The following EIF3F variants were observed in gnomAD, a reference collection of about 807,000 sequenced individuals.
EIF3F encodes eukaryotic translation initiation factor 3 subunit F.
In EIF3F, 8 loss-of-function variants were observed where a neutral mutation model predicts 36.0. The ratio of observed to expected loss-of-function variants is 0.22; its 90% confidence interval spans 0.13 to 0.40. The LOEUF is 0.40. Ranked by LOEUF, EIF3F falls within the 10% of genes least tolerant of loss-of-function variation. The probability of loss-of-function intolerance (pLI) is 1.00; values close to 1 mark genes in which losing one functional copy is unlikely to be tolerated. For missense variants in EIF3F, 430 were observed against 467.6 expected (o/e 0.92, Z 0.74); for synonymous variants, 184 against 188.5 (o/e 0.98, Z 0.19).
intron 2 of EIF3F, 50 bp downstream of exon 2, chr11:7,991,901 C>T (rs757165270): frequency 1.9e-6 from 3 of 1,601,600 alleles, no homozygotes; most frequent in Non-Finnish European, 2.6e-6. Context: ...TGTTCATTTG[C>T]TCGGCTCCCC....
chr11:7,994,337 A>C (rs1273838427), intron 4 of EIF3F, 89 bp from the exon 5 acceptor site: 1 of 1,135,802 alleles, frequency 8.8e-7, no homozygotes, highest in Non-Finnish European at 1.3e-6. Context: ...TGAGAGCCAT[A>C]TTCCTGCTGT....
intron 1 of EIF3F, among the ~76,000 whole-genome samples, chr11:7,991,534 G>C (rs1942095673): frequency 6.6e-6 from 1 of 152,190 alleles, no homozygotes; most frequent in African/African-American, 2.4e-5. Context: ...CAGGCAAAAG[G>C]AGACCTTGTA....
In EIF3F at chr11:7,996,807, G is replaced by A. The variant is rs1323427188; in HGVS notation, c.*785G>A. ...CAAGAACTCAGGAAATTATACGTTG[G>A]AGTGAAAAGGTGAGTGAAGGCAATG... On this transcript the variant is annotated 3_prime_UTR_variant, in exon 8 of 8. Transcript: ENST00000651655. The A allele has an allele frequency of 6.6e-6, 1 of 152,206 alleles. No homozygotes were observed. The highest frequency in any genetic ancestry group is 1.5e-5 in the Non-Finnish European group (1 of 68,046). 9.4% of individuals were successfully genotyped at this position (152,206 alleles called of 1,614,324 possible). A position where few individuals can be genotyped will look rare whatever the true frequency, so the allele number is the denominator to read the frequency against.
At chr11:7,993,768 A>G (rs1006874484) in intron 4 of EIF3F, among the ~76,000 whole-genome samples, 1 of 152,188 alleles carries the variant, frequency 6.6e-6, no homozygotes, top group Non-Finnish European at 1.5e-5. Context: ...TTGGCATACC[A>G]CTAAGCACTA....
Position 7,994,428 on chromosome 11 carries a change from C to T in EIF3F, c.656C>T (p.Thr219Ile), listed in dbSNP as rs1589906517. Residue 219 changes from threonine (T) to isoleucine (I), a missense_variant and splice_region_variant, in exon 5 of 8, where the codon ACT becomes ATT. Thr to Ile is a moderately conservative substitution (Grantham distance 89, BLOSUM62 -1). Around this residue, in one of 2 missense-constraint regions of EIF3F, gnomAD observed 262 missense variants for 347.4 expected, o/e 0.75. Coordinates refer to ENST00000651655, the MANE Select transcript of EIF3F (RefSeq NM_003754.3). Reference protein sequence around the residue: ...GRMSIKAYVSTLMGVPGRTMG... With the variant: ...GRMSIKAYVSILMGVPGRTMG... The stretch of plus-strand genomic sequence containing the variant: ...TACTTTGGCTTCTCCTTCCGCAGCA[C>T]TTTAATGGGAGTCCCTGGGAGGACC... 6.2e-7 allele frequency: 1 copy of T among 1,613,896 alleles called. No homozygotes were observed. Among genetic ancestry groups the T allele is most frequent in the Non-Finnish European group, 8.5e-7 (1 of 1,179,934 alleles).
rs1044385902 is a variant in EIF3F at position 7,998,916 on chromosome 11, T to C, written c.*2894T>C. ...CATAGTGTGGTGTTATTACTTAGCGTTATTCTAGACTTATTAGCCATTGTA... is the reference window on the plus strand; with the variant it reads ...CATAGTGTGGTGTTATTACTTAGCGCTATTCTAGACTTATTAGCCATTGTA... On this transcript the variant is annotated 3_prime_UTR_variant, in exon 8 of 8. Transcript: ENST00000651655. 6.6e-6 allele frequency: 1 copy of C among 152,122 alleles called. No homozygotes were observed. The highest frequency in any genetic ancestry group is 2.4e-5 in the African/African-American group (1 of 41,408). 9.4% of individuals were successfully genotyped at this position (152,122 alleles called of 1,614,324 possible).
In EIF3F at chr11:7,995,461, G is replaced by C. The variant is rs547340999; in HGVS notation, c.996+94G>C. On this transcript the variant is annotated intron_variant, in intron 7 of 7. Coordinates refer to ENST00000651655, the MANE Select transcript of EIF3F (RefSeq NM_003754.3). ...GAAAAGAGTTGGGTGAGGTGACCTGGAGTAGGATAGAGACAGGGCTTCACC... is the reference window on the plus strand; with the variant it reads ...GAAAAGAGTTGGGTGAGGTGACCTGCAGTAGGATAGAGACAGGGCTTCACC... The C allele has an allele frequency of 2.5e-5, 25 of 1,014,660 alleles. No homozygotes were observed. In the South Asian group the frequency reaches 3.1e-4, roughly 12 times the overall value. The allele number at this position is 1,014,660 out of a possible 1,614,324, so 62.9% of individuals were successfully genotyped here. A position where few individuals can be genotyped will look rare whatever the true frequency, so the allele number is the denominator to read the frequency against.
intron 4 of EIF3F, among the ~76,000 whole-genome samples, chr11:7,993,503 A>G (rs1942123171): frequency 6.6e-6 from 1 of 152,224 alleles, no homozygotes; most frequent in Non-Finnish European, 1.5e-5. Context: ...TGACAATGAC[A>G]TTACAGTGAA....
intron 7 of EIF3F, 169 bp downstream of exon 7, chr11:7,995,536 C>T (rs555832990): frequency 1.2e-5 from 8 of 646,944 alleles, no homozygotes; most frequent in African/African-American, 5.4e-5. Context: ...GTGTGTTATG[C>T]GTGGTTGGAG....
rs956855100 is a variant in EIF3F, at chr11:8,000,204, A to T, written c.*4182A>T. ...ACAAGAGTGAGAAGAGTGAGACTTCATCTCAAAAAAAAAAAAGGTACATCT... is the reference window on the plus strand; with the variant it reads ...ACAAGAGTGAGAAGAGTGAGACTTCTTCTCAAAAAAAAAAAAGGTACATCT... On this transcript the variant is annotated 3_prime_UTR_variant, in exon 8 of 8. Transcript: ENST00000651655. 1 of 144,620 alleles carries T rather than the reference A, an allele frequency of 6.9e-6. No individual in the cohort carries two copies. Among genetic ancestry groups the T allele is most frequent in the Non-Finnish European group, 1.5e-5 (1 of 65,554 alleles). The allele number at this position is 144,620 out of a possible 1,614,324, so 9.0% of individuals were successfully genotyped here.
chr11:7,992,396 G>A (rs1015338204), intron 3 of EIF3F: 2 of 552,732 alleles, frequency 3.6e-6, no homozygotes, highest in Admixed American at 3.4e-5. Context: ...GTGAGACCCT[G>A]TCTCTACAAA....
chr11:7,995,176 T>G (rs1769040716), intron 6 of EIF3F, 58 bp downstream of exon 6: 2 of 1,607,078 alleles, frequency 1.2e-6, no homozygotes, highest in Non-Finnish European at 8.5e-7. Flanking sequence ...CTGGGATCAC[T>G]GAGGCATGTG....
rs1942197292 is a variant in EIF3F at position 7,999,613 on chromosome 11, A to G, written c.*3591A>G. Reference sequence around the variant, plus strand: ...TATAGAACTGTGTAATTAAAGCAATATGGTACTGGTCCATAAAAGAACATA... The same window carrying G: ...TATAGAACTGTGTAATTAAAGCAATGTGGTACTGGTCCATAAAAGAACATA... On this transcript the variant is annotated 3_prime_UTR_variant, in exon 8 of 8. Transcript: ENST00000651655. The G allele has an allele frequency of 2.0e-5, 3 of 152,250 alleles. No individual in the cohort carries two copies. In the South Asian group the frequency reaches 6.2e-4, roughly 31 times the overall value. 9.4% of individuals were successfully genotyped at this position (152,250 alleles called of 1,614,324 possible). A position where few individuals can be genotyped will look rare whatever the true frequency, so the allele number is the denominator to read the frequency against.
intron 3 of EIF3F, chr11:7,992,390 G>C: frequency 1.8e-6 from 1 of 563,220 alleles, no homozygotes; most frequent in Non-Finnish European, 3.1e-6. Flanking sequence ...AAAATAGTGA[G>C]ACCCTGTCTC....
chr11:7,996,923 A>T lies in EIF3F; in HGVS notation c.*901A>T, dbSNP rs1312500085. ...GAGTCATAAGATATGGATCATAAAC[A>T]TACATAGTCCATTAGGGTATTATGA... On this transcript the variant is annotated 3_prime_UTR_variant, in exon 8 of 8. Coordinates refer to ENST00000651655, the MANE Select transcript of EIF3F (RefSeq NM_003754.3). 6.6e-6 allele frequency: 1 copy of T among 152,246 alleles called. No individual in the cohort carries two copies. The highest frequency in any genetic ancestry group is 2.4e-5 in the African/African-American group (1 of 41,468). 9.4% of individuals were successfully genotyped at this position (152,246 alleles called of 1,614,324 possible).
rs1942206818 is a variant in EIF3F, at chr11:8,000,337, G to C, written c.*4315G>C. The C allele has an allele frequency of 6.6e-6, 1 of 152,104 alleles. No individual in the cohort carries two copies. Among genetic ancestry groups the C allele is most frequent in the Admixed American group, 6.6e-5 (1 of 15,262 alleles). The allele number at this position is 152,104 out of a possible 1,614,324, so 9.4% of individuals were successfully genotyped here. On this transcript the variant is annotated 3_prime_UTR_variant, in exon 8 of 8. Transcript: ENST00000651655. The stretch of plus-strand genomic sequence containing the variant: ...GTGAAATAAGCCATGATCTCACTTG[G>C]ATATGGAATCACAAAATTGAACTCA...
At chr11:7,995,844 C>T (rs1942154250) in intron 7 of EIF3F, 101 bp from the exon 8 acceptor site, 1 of 890,170 alleles carries the variant, frequency 1.1e-6, no homozygotes, top group African/African-American at 1.6e-5. Context: ...TTATCCACAG[C>T]TGTCCTCATA....
At position 7,991,451 on chromosome 11, in the gene EIF3F, A is replaced by G. The variant is rs117047609; in HGVS notation, c.365-330A>G. Among the ~76,000 whole-genome samples the G allele has an allele frequency of 3.2e-3, 482 of 152,278 alleles. 2 individuals carry two copies. The highest frequency in any genetic ancestry group is 0.01 in the Middle Eastern group (3 of 294). ...CAGGTAGCTCTGCAGATTAAATTAC[A>G]GGGAGAAAGTGTAGAGGCTGAAAAA... On this transcript the variant is annotated intron_variant, in intron 1 of 7. Transcript: ENST00000651655.
Position 8,000,590 on chromosome 11 carries a change from A to G in EIF3F, c.*4568A>G, listed in dbSNP as rs35238377. The stretch of plus-strand genomic sequence containing the variant: ...GTAACTAGCTTGATTGTGGTAATCA[A>G]TTTCGCAATGTGTACATATATCAAA... On this transcript the variant is annotated 3_prime_UTR_variant, in exon 8 of 8. Coordinates refer to ENST00000651655, the MANE Select transcript of EIF3F (RefSeq NM_003754.3). 13,040 of 152,286 alleles carry G rather than the reference A, an allele frequency of 0.086. 761 individuals carry two copies. The highest frequency in any genetic ancestry group is 0.12 in the Non-Finnish European group (8,476 of 68,004). 9.4% of individuals were successfully genotyped at this position (152,286 alleles called of 1,614,324 possible).
Sources: gnomAD v4.1 joint callset for allele counts (sites outside exome capture counted in the v4.1 genomes callset) on GRCh38, gnomAD v4.1.1 for gene constraint, gnomAD v4.1.1 regional missense constraint, MANE v1.5 for transcripts, NCBI Gene and HGNC (gene_info 2026-07-23, HGNC 2026-07-21) for gene names.